Variants in CC2D2B observed in about 807,000 individuals in gnomAD.
CC2D2B encodes the protein protein CC2D2B.
In CC2D2B, 128 loss-of-function variants were observed where a neutral mutation model predicts 161.2. The ratio of observed to expected loss-of-function variants is 0.79; its 90% CI spans 0.69 to 0.92. The LOEUF (loss-of-function observed/expected upper bound fraction) is 0.92, where lower values mean the gene tolerates loss of function less well. CC2D2B is among the 40% of genes least tolerant of loss of function. CC2D2B has a pLI of 0.00. For missense variants in CC2D2B, 1,173 were observed against 1,375.1 expected, an observed-to-expected ratio of 0.85 and a Z score of 2.32; for synonymous variants, 391 against 449.8, an observed-to-expected ratio of 0.87 and a Z score of 1.65.
At chr10:95,986,135 C>T (rs2077709566) in intron 19 of CC2D2B, among the ~76,000 whole-genome samples, 3 of 151,564 alleles carry the variant, frequency 2.0e-5, no homozygotes, top group Non-Finnish European at 4.4e-5. Flanking sequence ...CTGTGACCCA[C>T]ACCCTATTCG....
intron 25 of CC2D2B, among the ~76,000 whole-genome samples, chr10:96,009,533 A>G (rs2078896243): frequency 6.6e-6 from 1 of 152,214 alleles, no homozygotes; most frequent in South Asian, 2.1e-4. Context: ...GCAGGATACT[A>G]TAATATAATG....
upstream of CC2D2B, chr10:95,907,951 G>C (rs1045513296): frequency 6.6e-6 from 1 of 152,432 alleles, no homozygotes; most frequent in Non-Finnish European, 1.5e-5. Flanking sequence ...GGCGCCGTAG[G>C]GCTGGCGCAG....
At chr10:96,031,732 T>C (rs745941357) in intron 34 of CC2D2B, 88 bp from the exon 35 acceptor site, 8 of 1,175,624 alleles carry the variant, frequency 6.8e-6, no homozygotes, top group Non-Finnish European at 9.9e-6. Flanking sequence ...TACTATTTCT[T>C]TGAGGCTTTT....
At chr10:96,023,583 C>T (rs1376134281) in intron 32 of CC2D2B, among the ~76,000 whole-genome samples, 1 of 152,212 alleles carries the variant, frequency 6.6e-6, no homozygotes, top group Non-Finnish European at 1.5e-5. Flanking sequence ...AGTAGACAGC[C>T]GTTGGTGACA....
chr10:95,978,130 A>G (rs1033476765), intron 17 of CC2D2B, among the ~76,000 whole-genome samples: 3 of 152,218 alleles, frequency 2.0e-5, no homozygotes, highest in African/African-American at 7.2e-5. Context: ...AGCCATGAAA[A>G]AAATTTTGCT....
rs41291592 is a variant in CC2D2B, at chr10:96,033,224, A to T, written c.*1216A>T. On this transcript the variant is annotated 3_prime_UTR_variant, in exon 35 of 35. Transcript: ENST00000646931. The stretch of plus-strand genomic sequence containing the variant: ...CCAAATGTATCTGCAGGGAATACCC[A>T]ATCTGTATCTGTTTCCTAAATGTGC... 5.6e-3 allele frequency among the ~76,000 whole-genome samples: 855 copies of T among 152,292 alleles called. 6 individuals are homozygous for T. Among genetic ancestry groups the T allele is most frequent in the South Asian group, 0.013 (63 of 4,830 alleles).
At chr10:95,941,719 A>G (rs1227100961) in intron 9 of CC2D2B, among the ~76,000 whole-genome samples, 1 of 152,222 alleles carries the variant, frequency 6.6e-6, no homozygotes, top group Non-Finnish European at 1.5e-5. Context: ...ATGCGGAGAA[A>G]TTAGAACCCT....
chr10:95,927,086 C>G (rs2098540739), intron 5 of CC2D2B, 151 bp from the exon 6 acceptor site: 2 of 517,922 alleles, frequency 3.9e-6, no homozygotes, highest in Non-Finnish European at 6.8e-6. Flanking sequence ...CAAACAGACT[C>G]AAAGCTAAAT....
chr10:95,920,296 A>G (rs1340807904), intron 2 of CC2D2B: 1 of 155,222 alleles, frequency 6.4e-6, no homozygotes, highest in African/African-American at 2.4e-5. Context: ...GCCTCAGGAA[A>G]CTTAGAATCA....
Position 96,012,641 on chromosome 10 carries a change from T to C in CC2D2B, c.3338T>C (p.Ile1113Thr). The change falls in exon 28 of 35, where the codon ATA becomes ACA. Residue 1113 changes from isoleucine to threonine, a missense_variant. Ile to Thr is a moderately conservative substitution (Grantham distance 89, BLOSUM62 -1). This residue lies in a region of CC2D2B where 598 missense variants were observed against 693.2 expected (regional missense o/e 0.86). Transcript: ENST00000646931. ...IVTTVFNDEG[I>T]QFLVTRYIKA... ...ACTACTGTTTTTAATGATGAAGGGA[T>C]ACAGTTCTTAGTCACAAGATATATC... 2 of 1,610,528 alleles carry C rather than the reference T, an allele frequency of 1.2e-6. No homozygotes were observed. The highest frequency in any genetic ancestry group is 1.7e-6 in the Non-Finnish European group (2 of 1,176,818).
At chr10:95,907,672 A>G (rs1050959694), upstream of CC2D2B, 7 of 152,308 alleles carry the variant, frequency 4.6e-5, no homozygotes, top group Non-Finnish European at 1.0e-4. Flanking sequence ...CCCGCTGGGT[A>G]TACTCTTCTT....
intron 19 of CC2D2B, 127 bp downstream of exon 19, chr10:95,983,936 T>A: frequency 6.8e-6 from 3 of 440,082 alleles, no homozygotes; most frequent in Non-Finnish European, 1.1e-5. Flanking sequence ...CTCCCTTCTC[T>A]TTAGGCATTA....
intron 19 of CC2D2B, 142 bp downstream of exon 19, chr10:95,983,951 T>G: frequency 2.4e-6 from 1 of 416,956 alleles, no homozygotes; most frequent in Non-Finnish European, 4.1e-6. Context: ...GCATTAAAAA[T>G]ATACGTATCT....
intron 17 of CC2D2B, among the ~76,000 whole-genome samples, chr10:95,981,115 AG>A (rs1554841644): frequency 6.6e-6 from 1 of 152,056 alleles, no homozygotes; most frequent in Non-Finnish European, 1.5e-5. Flanking sequence ...ATCTCATGGC[AG>A]GGCACAGTGG....
At chr10:95,912,011 G>A (rs974188232) in intron 2 of CC2D2B, among the ~76,000 whole-genome samples, 2 of 152,164 alleles carry the variant, frequency 1.3e-5, no homozygotes, top group Non-Finnish European at 2.9e-5. Flanking sequence ...GTACAAGAAC[G>A]AATAGTAGAT....
At chr10:96,015,231 A>ATTTTTTTTTTTTTTT (rs58739011) in intron 29 of CC2D2B, among the ~76,000 whole-genome samples, 17 of 111,334 alleles carry the variant, frequency 1.5e-4, no homozygotes, top group Middle Eastern at 5.7e-3. Context: ...GGCCCAGCTA[A>ATTTTTTTTTTTTTTT]TTTTTTTTTT....
intron 10 of CC2D2B, among the ~76,000 whole-genome samples, chr10:95,953,400 G>A (rs1359792421): frequency 6.6e-6 from 1 of 152,020 alleles, no homozygotes. Context: ...ACAAGGTCTT[G>A]CTGTATTGCC....
intron 29 of CC2D2B, among the ~76,000 whole-genome samples, chr10:96,015,629 T>C (rs543371405): frequency 1.2e-3 from 187 of 152,262 alleles, no homozygotes; most frequent in African/African-American, 4.3e-3. Context: ...CCCTGCTATA[T>C]TGCTGTGCTT....
intron 1 of CC2D2B, among the ~76,000 whole-genome samples, chr10:95,909,566 AAAGTGCATT>A (rs2098502357): frequency 6.6e-6 from 1 of 152,244 alleles, no homozygotes; most frequent in African/African-American, 2.4e-5. Context: ...CTAAGGAAGG[AAAGTGCATT>A]AATACATTTA....
Sources: gnomAD v4.1 joint callset for allele counts (sites outside exome capture counted in the v4.1 genomes callset) on GRCh38, gnomAD v4.1.1 for gene constraint, gnomAD v4.1.1 regional missense constraint, MANE v1.5 for transcripts, NCBI Gene and HGNC (gene_info 2026-07-23, HGNC 2026-07-21) for gene names.